POLN: variants seen among roughly 807,000 people sequenced by gnomAD.
POLN encodes DNA polymerase N.
POLN carries 108 observed loss-of-function variants against 113.5 expected under a neutral mutation model. The ratio of observed to expected loss-of-function variants is 0.95; its 90% confidence interval spans 0.81 to 1.12. The LOEUF is 1.12. Among genes scored for constraint, POLN ranks in the 50% most tolerant of loss-of-function variants. The pLI, the probability that POLN is intolerant of heterozygous loss-of-function variation, is 0.00. For missense variants in POLN, 1,097 were observed against 1,077.1 expected (o/e 1.02, Z -0.26); for synonymous variants, 386 against 391.5 (o/e 0.99, Z 0.17).
At chr4:2,124,480 T>C (rs1413587018) in intron 19 of POLN, among the ~76,000 whole-genome samples, 1 of 152,136 alleles carries the variant, frequency 6.6e-6, no homozygotes, top group East Asian at 1.9e-4. Context: ...AGTCTTGCCA[T>C]GTTGCCCAGG....
At chr4:2,152,331 C>G (rs1258026583) in intron 16 of POLN, among the ~76,000 whole-genome samples, 1 of 150,174 alleles carries the variant, frequency 6.7e-6, no homozygotes, top group South Asian at 2.2e-4. Flanking sequence ...AGCCATTGCA[C>G]CTGGCCTGAT....
intron 2 of POLN, among the ~76,000 whole-genome samples, chr4:2,234,809 G>A (rs899899846): frequency 6.6e-6 from 1 of 152,142 alleles, no homozygotes; most frequent in Non-Finnish European, 1.5e-5. Context: ...ATTATTCACT[G>A]CAACTTTAAA....
At chr4:2,189,511 C>A (rs1292890795) in intron 7 of POLN, among the ~76,000 whole-genome samples, 1 of 150,722 alleles carries the variant, frequency 6.6e-6, no homozygotes, top group African/African-American at 2.4e-5. Context: ...TGGTGGCGGG[C>A]GCCTGTAGTC....
At chr4:2,219,291 A>G (rs979358222) in intron 3 of POLN, among the ~76,000 whole-genome samples, 8 of 152,210 alleles carry the variant, frequency 5.3e-5, no homozygotes, top group Non-Finnish European at 1.0e-4. Flanking sequence ...TGAATGTTTC[A>G]GTATCCCTTT....
chr4:2,098,918 G>A lies in POLN; in HGVS notation c.1983-2985C>T, dbSNP rs200771145. Among the ~76,000 whole-genome samples the A allele has an allele frequency of 3.5e-3, 521 of 150,024 alleles. 17 individuals are homozygous for A. In the East Asian group the frequency reaches 0.079, roughly 23 times the overall value. On this transcript the variant is annotated intron_variant, in intron 19 of 25. Coordinates refer to ENST00000511885, the MANE Select transcript of POLN (RefSeq NM_181808.4). The stretch of plus-strand genomic sequence containing the variant: ...TGTGTGTGCACATGCACGTGCGTGC[G>A]CACACACACACACACACACACACAC...
intron 3 of POLN, among the ~76,000 whole-genome samples, chr4:2,214,086 A>G (rs1326217699): frequency 6.6e-6 from 1 of 152,094 alleles, no homozygotes; most frequent in Non-Finnish European, 1.5e-5. Flanking sequence ...AAATACAAAA[A>G]TTAGCCAGGT....
At position 2,208,202 on chromosome 4, in the gene POLN, T is replaced by C; in HGVS notation, c.499A>G (p.Lys167Glu). 1 of 1,605,098 alleles carries C rather than the reference T, an allele frequency of 6.2e-7. No homozygotes were observed. Among genetic ancestry groups the C allele is most frequent in the Non-Finnish European group, 8.5e-7 (1 of 1,172,060 alleles). Residue 167 changes from lysine (K) to glutamate (E), a missense_variant, in exon 5 of 26, where the codon AAA (lysine) becomes GAA (glutamate). Physicochemically the swap from Lys to Glu is moderately conservative, Grantham distance 56 (BLOSUM62 1). Transcript: ENST00000511885. ...TCCAATGCCATTTGTTTACTTGTTT[T>C]CTCTGACAAATTATTATATGTAATA... ...KHITYNNLSE[K>E]TSKQMALEED...
At chr4:2,092,003 C>T (rs1277099150) in intron 20 of POLN, among the ~76,000 whole-genome samples, 1 of 151,940 alleles carries the variant, frequency 6.6e-6, no homozygotes, top group African/African-American at 2.4e-5. Flanking sequence ...TTGAATCCTA[C>T]GCTGCTTTCA....
chr4:2,183,350 C>A (rs1374687539), intron 7 of POLN, among the ~76,000 whole-genome samples: 1 of 152,102 alleles, frequency 6.6e-6, no homozygotes, highest in Non-Finnish European at 1.5e-5. Flanking sequence ...ACCTTTACAC[C>A]AAAGTTCATA....
chr4:2,080,346 C>T lies in POLN; in HGVS notation c.2387+612G>A. 3.1e-6 allele frequency: 3 copies of T among 979,598 alleles called. No homozygotes were observed. The South Asian group carries it at 1.2e-4, about 38-fold the overall frequency. The allele number at this position is 979,598 out of a possible 1,614,324, so 60.7% of individuals were successfully genotyped here. ...GACAGAGGCCTGAGAGAGCTGTGGC[C>T]TGGGGGGCAGCCAGGGCGGAGCCCC... is the stretch of plus-strand genomic sequence containing the variant. On this transcript the variant is annotated intron_variant, in intron 23 of 25. Transcript: ENST00000511885.
At chr4:2,214,898 T>C (rs1734074802) in intron 3 of POLN, among the ~76,000 whole-genome samples, 1 of 151,156 alleles carries the variant, frequency 6.6e-6, no homozygotes, top group South Asian at 2.1e-4. Flanking sequence ...TACATATACA[T>C]ATATATGTAT....
At chr4:2,204,388 C>T (rs1430774918) in intron 5 of POLN, among the ~76,000 whole-genome samples, 1 of 152,052 alleles carries the variant, frequency 6.6e-6, no homozygotes, top group African/African-American at 2.4e-5. Flanking sequence ...TAATTTAAAT[C>T]AGGAAGAATT....
At chr4:2,149,273 G>A (rs1461232766) in intron 16 of POLN, among the ~76,000 whole-genome samples, 2 of 151,104 alleles carry the variant, frequency 1.3e-5, no homozygotes, top group African/African-American at 2.4e-5. Flanking sequence ...CAGCCTGGGC[G>A]ACAGGAGTGA....
At chr4:2,205,063 C>T (rs1375402744) in intron 5 of POLN, among the ~76,000 whole-genome samples, 1 of 152,106 alleles carries the variant, frequency 6.6e-6, no homozygotes, top group Non-Finnish European at 1.5e-5. Context: ...GACTTCCTTT[C>T]AATATAGTAT....
At chr4:2,083,694 T>C (rs1323456410) in intron 21 of POLN, among the ~76,000 whole-genome samples, 1 of 152,212 alleles carries the variant, frequency 6.6e-6, no homozygotes, top group African/African-American at 2.4e-5. Flanking sequence ...TGTGCCAGGA[T>C]GGCTAGCAGC....
chr4:2,232,951 G>C (rs1232387756), intron 2 of POLN, among the ~76,000 whole-genome samples: 1 of 151,960 alleles, frequency 6.6e-6, no homozygotes, highest in Non-Finnish European at 1.5e-5. Context: ...ATTATCTGAG[G>C]TACTTGTTAT....
At chr4:2,091,217 T>C (rs574044042) in intron 20 of POLN, among the ~76,000 whole-genome samples, 1 of 152,346 alleles carries the variant, frequency 6.6e-6, no homozygotes, top group Non-Finnish European at 1.5e-5. Context: ...TGGGAGCGAC[T>C]TGGCCATAAC....
intron 23 of POLN, 140 bp downstream of exon 23, chr4:2,080,818 T>C: frequency 1.9e-6 from 3 of 1,545,004 alleles, no homozygotes; most frequent in Non-Finnish European, 2.6e-6. Context: ...CCCAGGGCCT[T>C]CCATGGGCTG....
At chr4:2,119,555 T>C (rs1731394084) in intron 19 of POLN, among the ~76,000 whole-genome samples, 1 of 152,232 alleles carries the variant, frequency 6.6e-6, no homozygotes, top group African/African-American at 2.4e-5. Flanking sequence ...TATAGTTGAT[T>C]TCTTTGATTT....
Sources: gnomAD v4.1 joint callset for allele counts (sites outside exome capture counted in the v4.1 genomes callset) on GRCh38, gnomAD v4.1.1 for gene constraint, MANE v1.5 for transcripts, NCBI Gene and HGNC (gene_info 2026-07-23, HGNC 2026-07-21) for gene names.